Variants in TBC1D16 observed in about 807,000 individuals in gnomAD.
TBC1D16 encodes the protein CTD-2529O21.1.
A neutral mutation model predicts 74.7 loss-of-function variants in TBC1D16; 58 were observed. That is an observed-to-expected ratio of 0.78 (90% confidence interval 0.63 to 0.97). TBC1D16 has a LOEUF of 0.97. TBC1D16 is among the 50% of genes least tolerant of loss of function. TBC1D16 has a pLI of 0.00. For missense variants in TBC1D16, 1,014 were observed against 1,079.5 expected, an observed-to-expected ratio of 0.94 and a Z score of 0.85; for synonymous variants, 493 against 474.7, an observed-to-expected ratio of 1.04 and a Z score of -0.50.
At chr17:80,032,322 A>C (rs1457710856) in intron 1 of TBC1D16, among the ~76,000 whole-genome samples, 1 of 152,240 alleles carries the variant, frequency 6.6e-6, no homozygotes, top group Non-Finnish European at 1.5e-5. Flanking sequence ...AGGCTCAGCA[A>C]CAGAAGGGCA....
At chr17:80,002,311 C>T (rs1375339956) in intron 3 of TBC1D16, among the ~76,000 whole-genome samples, 2 of 152,200 alleles carry the variant, frequency 1.3e-5, no homozygotes, top group African/African-American at 2.4e-5. Flanking sequence ...ATAATTCAGC[C>T]GCTGCCGCTG....
chr17:79,957,409 C>A (rs868414701), intron 3 of TBC1D16, among the ~76,000 whole-genome samples: 1 of 152,276 alleles, frequency 6.6e-6, no homozygotes, highest in Non-Finnish European at 1.5e-5. Flanking sequence ...AACTTCAGTG[C>A]GTCTTACGAA....
At chr17:79,963,404 C>T (rs1048399065) in intron 3 of TBC1D16, among the ~76,000 whole-genome samples, 3 of 152,084 alleles carry the variant, frequency 2.0e-5, no homozygotes, top group African/African-American at 7.2e-5. Context: ...TCATCCATGC[C>T]GTAGCGTGGG....
intron 3 of TBC1D16, among the ~76,000 whole-genome samples, chr17:79,976,993 T>C (rs907827959): frequency 2.0e-5 from 3 of 152,184 alleles, no homozygotes; most frequent in Non-Finnish European, 4.4e-5. Context: ...TGAGCTGCTC[T>C]GGTGACTTAA....
chr17:80,004,828 C>A (rs2035616351), intron 3 of TBC1D16, among the ~76,000 whole-genome samples: 1 of 152,214 alleles, frequency 6.6e-6, no homozygotes, highest in African/African-American at 2.4e-5. Context: ...GCATGTGCCA[C>A]CATGCTGAAC....
At chr17:80,029,438 G>A (rs1055380084) in intron 1 of TBC1D16, among the ~76,000 whole-genome samples, 1 of 151,934 alleles carries the variant, frequency 6.6e-6, no homozygotes, top group African/African-American at 2.4e-5. Flanking sequence ...CCGTCCCCTA[G>A]GAGCCACTTG....
At chr17:79,969,653 A>T (rs896992165) in intron 3 of TBC1D16, among the ~76,000 whole-genome samples, 5 of 151,960 alleles carry the variant, frequency 3.3e-5, no homozygotes, top group African/African-American at 1.2e-4. Context: ...TAGATAATAG[A>T]AAATAGGGCC....
chr17:80,007,191 T>C lies in TBC1D16; in HGVS notation c.779+2969A>G, dbSNP rs1341315045. Among the ~76,000 whole-genome samples the C allele has an allele frequency of 6.6e-6, 1 of 152,152 alleles. No homozygotes were observed. The highest frequency in any genetic ancestry group is 2.4e-5 in the African/African-American group (1 of 41,426). ...GCGAGCCACACCGAGCCCGCGGCCATGTGGCCAAGAGGCATTTTCTGAGCC... is the reference window on the plus strand; with the variant it reads ...GCGAGCCACACCGAGCCCGCGGCCACGTGGCCAAGAGGCATTTTCTGAGCC... On this transcript the variant is annotated intron_variant, in intron 3 of 11. Coordinates refer to ENST00000310924, the MANE Select transcript of TBC1D16 (RefSeq NM_019020.4). This position sits in a 1 kb window ranked among gnomAD's most constrained non-coding sequence, Gnocchi z 4.5.
chr17:80,012,147 C>G lies in TBC1D16; in HGVS notation c.181+1220G>C, dbSNP rs58025944. ...ACTCAGACCCCTAGAATCTCCTAAG[C>G]ACTGCTCCTGTTGCCAAAACAGGCT... On this transcript the variant is annotated intron_variant, in intron 2 of 11. Coordinates refer to ENST00000310924, the MANE Select transcript of TBC1D16 (RefSeq NM_019020.4). 1.2e-3 allele frequency among the ~76,000 whole-genome samples: 180 copies of G among 152,318 alleles called. 4 individuals are homozygous for G. The East Asian group carries it at 0.033, about 28-fold the overall frequency.
chr17:79,951,682 C>A, intron 4 of TBC1D16, 85 bp from the exon 5 acceptor site: 1 of 1,487,932 alleles, frequency 6.7e-7, no homozygotes. Flanking sequence ...TCAGAGGCCA[C>A]TGTCGCCAAC....
At chr17:80,006,421 G>C (rs1158024966) in intron 3 of TBC1D16, among the ~76,000 whole-genome samples, 1 of 152,008 alleles carries the variant, frequency 6.6e-6, no homozygotes, top group Admixed American at 6.6e-5. Flanking sequence ...GGGCAGCCGG[G>C]CTGGGGACGC....
chr17:80,009,599 A>G lies in TBC1D16; in HGVS notation c.779+561T>C, dbSNP rs1442977800. On this transcript the variant is annotated intron_variant, in intron 3 of 11. Transcript: ENST00000310924. This position sits in a 1 kb window ranked among gnomAD's most constrained non-coding sequence, Gnocchi z 5.4. ...TGAATATGGTCAACACTGCCCCGGG[A>G]CTACATCCATCCTCCACAGCTATGA... Among the ~76,000 whole-genome samples the G allele has an allele frequency of 6.6e-6, 1 of 152,194 alleles. No homozygotes were observed. Among genetic ancestry groups the G allele is most frequent in the Non-Finnish European group, 1.5e-5 (1 of 68,018 alleles).
Position 79,942,339 on chromosome 17 carries a change from G to A in TBC1D16, c.1909-133C>T, listed in dbSNP as rs562110406. 2.3e-5 allele frequency: 22 copies of A among 964,666 alleles called. No individual in the cohort carries two copies. The South Asian group carries it at 3.2e-4, about 14-fold the overall frequency. 59.8% of individuals were successfully genotyped at this position (964,666 alleles called of 1,614,324 possible). ...TCTGGGCTCACAGCCCAGCTCGGGG[G>A]CCGTGTGGCCCTGGGCAAGCTGCAC... On this transcript the variant is annotated intron_variant, in intron 10 of 11. Transcript: ENST00000310924.
rs562223430 is a variant in TBC1D16 at position 79,990,625 on chromosome 17, C to T, written c.779+19535G>A. On this transcript the variant is annotated intron_variant, in intron 3 of 11. Coordinates refer to ENST00000310924, the MANE Select transcript of TBC1D16 (RefSeq NM_019020.4). The surrounding 1 kb of genome is among the most constrained non-coding windows in gnomAD (Gnocchi z 4.8). Reference sequence around the variant, plus strand: ...ATAACATAAAATTCACCACCTTAACCGTTTTCAACGTCGAGCCCAGTGGCA... The same window carrying T: ...ATAACATAAAATTCACCACCTTAACTGTTTTCAACGTCGAGCCCAGTGGCA... 2.0e-5 allele frequency among the ~76,000 whole-genome samples: 3 copies of T among 152,306 alleles called. No individual in the cohort carries two copies. The highest frequency in any genetic ancestry group is 7.2e-5 in the African/African-American group (3 of 41,566).
At position 79,932,728 on chromosome 17, in the gene TBC1D16, T is replaced by A. The variant is rs1172245344; in HGVS notation, c.*8131A>T. 6.6e-6 allele frequency: 1 copy of A among 152,202 alleles called. No individual in the cohort carries two copies. Among genetic ancestry groups the A allele is most frequent in the Admixed American group, 6.5e-5 (1 of 15,280 alleles). 9.4% of individuals were successfully genotyped at this position (152,202 alleles called of 1,614,324 possible). A position where few individuals can be genotyped will look rare whatever the true frequency, so the allele number is the denominator to read the frequency against. On this transcript the variant is annotated 3_prime_UTR_variant, in exon 12 of 12. Coordinates refer to ENST00000310924, the MANE Select transcript of TBC1D16 (RefSeq NM_019020.4). Reference sequence around the variant, plus strand: ...GGTGAAGGCTTCCCACTTTGGTGACTTGCATGTGCCCCTCTTTGTTGAGGG... The same window carrying A: ...GGTGAAGGCTTCCCACTTTGGTGACATGCATGTGCCCCTCTTTGTTGAGGG...
At chr17:79,952,323 A>C (rs909126301) in intron 4 of TBC1D16, 2 of 234,150 alleles carry the variant, frequency 8.5e-6, no homozygotes, top group African/African-American at 4.5e-5. Flanking sequence ...CGAGCTCCAG[A>C]GCATCCCCCG....
In TBC1D16 at chr17:80,008,015, T is replaced by A. The variant is rs544209452; in HGVS notation, c.779+2145A>T. 6.7e-6 allele frequency among the ~76,000 whole-genome samples: 1 copy of A among 148,986 alleles called. No individual in the cohort carries two copies. Among genetic ancestry groups the A allele is most frequent in the Non-Finnish European group, 1.5e-5 (1 of 67,216 alleles). On this transcript the variant is annotated intron_variant, in intron 3 of 11. Coordinates refer to ENST00000310924, the MANE Select transcript of TBC1D16 (RefSeq NM_019020.4). This position sits in a 1 kb window ranked among gnomAD's most constrained non-coding sequence, Gnocchi z 4.5. ...GATGCCAATACATCCCCACCCTCAG[T>A]TGTGATAAAAAAAAAAAAAAAGTGT...
At position 79,954,332 on chromosome 17, in the gene TBC1D16, C is replaced by T. The variant is rs1041613302; in HGVS notation, c.780-1514G>A. Among the ~76,000 whole-genome samples, 2 of 152,236 alleles carry T rather than the reference C, an allele frequency of 1.3e-5. No homozygotes were observed. Among genetic ancestry groups the T allele is most frequent in the Admixed American group, 6.5e-5 (1 of 15,286 alleles). On this transcript the variant is annotated intron_variant, in intron 3 of 11. Transcript: ENST00000310924. This position sits in a 1 kb window ranked among gnomAD's most constrained non-coding sequence, Gnocchi z 5.5. Reference sequence around the variant, plus strand: ...ATCCCTCCCCACTGGGAACTTCACACAGAGAAACCTGACTGGCCTTTCTAG... The same window carrying T: ...ATCCCTCCCCACTGGGAACTTCACATAGAGAAACCTGACTGGCCTTTCTAG...
intron 3 of TBC1D16, among the ~76,000 whole-genome samples, chr17:79,963,021 G>A (rs910519333): frequency 1.3e-5 from 2 of 149,636 alleles, no homozygotes; most frequent in Admixed American, 6.7e-5. Flanking sequence ...TTGCACTCCA[G>A]CCTGGGCAAC....
Sources: gnomAD v4.1 joint callset for allele counts (sites outside exome capture counted in the v4.1 genomes callset) on GRCh38, gnomAD v4.1.1 for gene constraint, Gnocchi (gnomAD v3.1) non-coding constraint, MANE v1.5 for transcripts, NCBI Gene and HGNC (gene_info 2026-07-23, HGNC 2026-07-21) for gene names.